DNAAF11: variants seen among roughly 807,000 people sequenced by gnomAD.
DNAAF11 encodes dynein axonemal assembly factor 11.
A neutral mutation model predicts 60.8 loss-of-function variants in DNAAF11; 45 were observed. The ratio of observed to expected loss-of-function variants is 0.74; its 90% CI spans 0.58 to 0.95. The LOEUF is 0.95. Ranked by LOEUF, DNAAF11 falls within the 40% of genes least tolerant of loss-of-function variation. DNAAF11 has a pLI of 0.00. For missense variants in DNAAF11, 546 were observed against 546.2 expected (o/e 1.00, Z 0.00); for synonymous variants, 191 against 183.5 (o/e 1.04, Z -0.33).
chr8:132,672,068 G>A (rs1019945621), intron 1 of DNAAF11, among the ~76,000 whole-genome samples: 38 of 152,166 alleles, frequency 2.5e-4, no homozygotes, highest in African/African-American at 6.7e-4. Flanking sequence ...TAAGCCATAG[G>A]TGGGGAGAAA....
intron 1 of DNAAF11, chr8:132,675,157 C>G (rs140024594): frequency 8.6e-6 from 3 of 349,898 alleles, no homozygotes; most frequent in African/African-American, 2.1e-5. Flanking sequence ...TTGGCCGGAA[C>G]GTGGTGTGTC....
At chr8:132,646,357 A>T (rs1822383699) in intron 3 of DNAAF11, among the ~76,000 whole-genome samples, 1 of 152,248 alleles carries the variant, frequency 6.6e-6, no homozygotes, top group Non-Finnish European at 1.5e-5. Context: ...GGAAAGGAAC[A>T]ACCGGTACCA....
At chr8:132,609,114 G>A (rs1818401027) in intron 10 of DNAAF11, among the ~76,000 whole-genome samples, 2 of 152,052 alleles carry the variant, frequency 1.3e-5, no homozygotes, top group South Asian at 4.1e-4. Context: ...TAGCTTATGG[G>A]ATGAGGTATG....
chr8:132,656,943 C>T, intron 2 of DNAAF11, 36 bp from the exon 3 acceptor site: 3 of 747,816 alleles, frequency 4.0e-6, no homozygotes, highest in Non-Finnish European at 4.4e-6. Context: ...GATAATTAAT[C>T]TTCAAAATAA....
the DNAAF11 span, among the ~76,000 whole-genome samples, chr8:132,689,934 T>C: frequency 6.6e-6 from 1 of 152,204 alleles, no homozygotes; most frequent in African/African-American, 2.4e-5. Flanking sequence ...CAGTCTGTTT[T>C]CAAATTCCTG....
intron 3 of DNAAF11, among the ~76,000 whole-genome samples, chr8:132,650,864 T>A (rs1822940533): frequency 6.6e-6 from 1 of 152,226 alleles, no homozygotes; most frequent in Admixed American, 6.5e-5. Context: ...ATGTCATATA[T>A]CTTTGGATGT....
chr8:132,615,464 GC>G (rs1428170232), intron 7 of DNAAF11, among the ~76,000 whole-genome samples: 1 of 152,160 alleles, frequency 6.6e-6, no homozygotes, highest in African/African-American at 2.4e-5. Context: ...ACTAAAGGTT[GC>G]TTTTGCCTCC....
chr8:132,583,857 TAA>T, intron 10 of DNAAF11, 78 bp from the exon 11 acceptor site: 1 of 923,082 alleles, frequency 1.1e-6, no homozygotes, highest in South Asian at 1.4e-5. Flanking sequence ...ATATGTATTT[TAA>T]AAGATACTAA....
the DNAAF11 span, among the ~76,000 whole-genome samples, chr8:132,685,839 C>T: frequency 6.6e-6 from 1 of 152,276 alleles, no homozygotes; most frequent in Admixed American, 6.5e-5. Context: ...GTTTCAAGAA[C>T]ATGGTGTAGT....
At chr8:132,642,700 A>C (rs1821974992) in intron 3 of DNAAF11, among the ~76,000 whole-genome samples, 1 of 152,216 alleles carries the variant, frequency 6.6e-6, no homozygotes, top group Admixed American at 6.5e-5. Flanking sequence ...TGGTAACTGA[A>C]GCAACCATCT....
intron 3 of DNAAF11, among the ~76,000 whole-genome samples, chr8:132,641,091 T>C (rs1178445170): frequency 6.6e-6 from 1 of 152,096 alleles, no homozygotes; most frequent in Non-Finnish European, 1.5e-5. Context: ...TAGAATGTCA[T>C]CTAATAAATA....
At chr8:132,691,272 C>A in the DNAAF11 span, among the ~76,000 whole-genome samples, 3 of 151,954 alleles carry the variant, frequency 2.0e-5, no homozygotes, top group East Asian at 5.8e-4. Flanking sequence ...ATTAGTTCAT[C>A]TTTGACCATT....
In DNAAF11 at chr8:132,601,976, C is replaced by G. The variant is rs370601665; in HGVS notation, c.1140+8190G>C. Reference sequence around the variant, plus strand: ...TTCTTCCTTTATTCTCCATATGACACTAACTAAACATGTTAGACCTTCTCA... The same window carrying G: ...TTCTTCCTTTATTCTCCATATGACAGTAACTAAACATGTTAGACCTTCTCA... On this transcript the variant is annotated intron_variant, in intron 10 of 11. Transcript: ENST00000620350. Among the ~76,000 whole-genome samples the G allele has an allele frequency of 5.9e-4, 89 of 152,102 alleles. 1 individual carries two copies. In the South Asian group the frequency reaches 0.017, roughly 30 times the overall value.
chr8:132,691,260 A>G, the DNAAF11 span, among the ~76,000 whole-genome samples: 2 of 151,424 alleles, frequency 1.3e-5, no homozygotes, highest in African/African-American at 4.9e-5. Flanking sequence ...TTTATTGTTC[A>G]AATTAGTTCA....
rs141669523 is a variant in DNAAF11 at position 132,621,350 on chromosome 8, C to T, written c.914+1261G>A. ...GTGACAATGAGTTGAAGTGGATCAG[C>T]GCCATTTGGGTATAAGATTCTGGCC... is the stretch of plus-strand genomic sequence containing the variant. On this transcript the variant is annotated intron_variant, in intron 7 of 11. Coordinates refer to ENST00000620350, the MANE Select transcript of DNAAF11 (RefSeq NM_012472.6). Among the ~76,000 whole-genome samples the T allele has an allele frequency of 2.8e-3, 428 of 152,202 alleles. 1 individual carries two copies. Among genetic ancestry groups the T allele is most frequent in the Middle Eastern group, 0.014 (4 of 294 alleles).
chr8:132,644,446 A>G (rs1822160342), intron 3 of DNAAF11, among the ~76,000 whole-genome samples: 1 of 152,230 alleles, frequency 6.6e-6, no homozygotes, highest in Non-Finnish European at 1.5e-5. Context: ...TGATTTCTGC[A>G]TTTCCAACTG....
At chr8:132,578,311 T>C in intron 11 of DNAAF11, 1 of 603,038 alleles carries the variant, frequency 1.7e-6, no homozygotes, top group East Asian at 2.9e-5. Flanking sequence ...TTTTAATTAC[T>C]CATGGATCTC....
intron 10 of DNAAF11, among the ~76,000 whole-genome samples, chr8:132,585,389 C>T (rs1460108315): frequency 6.6e-6 from 1 of 152,208 alleles, no homozygotes. Context: ...GTACATCTTC[C>T]TCTTTCCATG....
rs139042821 is a variant in DNAAF11 at position 132,664,554 on chromosome 8, C to G, written c.11-2927G>C. Among the ~76,000 whole-genome samples, 629 of 152,242 alleles carry G rather than the reference C, an allele frequency of 4.1e-3. 10 individuals are homozygous for G. Among genetic ancestry groups the G allele is most frequent in the African/African-American group, 0.014 (593 of 41,538 alleles). ...GGCACGATTACAGTTTGCTGCAGCC[C>G]AGGATCAAGGGATCCTCCTACCTCA... On this transcript the variant is annotated intron_variant, in intron 1 of 11. Coordinates refer to ENST00000620350, the MANE Select transcript of DNAAF11 (RefSeq NM_012472.6).
Sources: allele counts gnomAD v4.1 joint callset (sites outside exome capture counted in the v4.1 genomes callset), GRCh38; gene constraint gnomAD v4.1.1; transcripts MANE v1.5; gene names NCBI Gene and HGNC (gene_info 2026-07-23, HGNC 2026-07-21).